Variants in XPO4 observed in about 807,000 individuals in gnomAD.
The protein encoded by XPO4 is exportin 4, also known as exportin-4.
XPO4 carries 39 observed loss-of-function variants against 143.0 expected under a neutral mutation model. That is an observed-to-expected ratio of 0.27 (90% confidence interval 0.21 to 0.36). XPO4 has a LOEUF of 0.36. XPO4 is among the 10% of genes least tolerant of loss of function. XPO4 has a pLI of 1.00. For synonymous variants in XPO4, 439 were observed against 474.0 expected, an observed-to-expected ratio of 0.93 and a Z score of 0.96; for missense variants, 907 against 1,348.0, an observed-to-expected ratio of 0.67 and a Z score of 5.12.
intron 7 of XPO4, among the ~76,000 whole-genome samples, chr13:20,825,447 T>C (rs2059772368): frequency 6.6e-6 from 1 of 152,202 alleles, no homozygotes. Flanking sequence ...AACAAACTTG[T>C]TCATAAACTG....
chr13:20,822,571 G>C (rs1482198264), intron 7 of XPO4, among the ~76,000 whole-genome samples: 2 of 152,218 alleles, frequency 1.3e-5, no homozygotes. Flanking sequence ...ATGCCAGCCA[G>C]TCAGACATAC....
chr13:20,900,106 G>T (rs954906252), intron 1 of XPO4, among the ~76,000 whole-genome samples: 1 of 152,148 alleles, frequency 6.6e-6, no homozygotes, highest in Non-Finnish European at 1.5e-5. Flanking sequence ...AAAGTAACAC[G>T]CCAGGTGCAG....
In XPO4 at chr13:20,803,712, C is replaced by T. The variant is rs542474918; in HGVS notation, c.1818-2722G>A. Among the ~76,000 whole-genome samples the T allele has an allele frequency of 6.6e-6, 1 of 152,282 alleles. No individual in the cohort carries two copies. The highest frequency in any genetic ancestry group is 2.1e-4 in the South Asian group (1 of 4,826). The stretch of plus-strand genomic sequence containing the variant: ...CCTCCCTGCCTCTCCACCCTCATCC[C>T]CCCACCAAAGCTATCGCCCTGCCCT... On this transcript the variant is annotated intron_variant, in intron 13 of 22. Transcript: ENST00000255305. The surrounding 1 kb of genome is among the most constrained non-coding windows in gnomAD (Gnocchi z 4.1).
In XPO4 at chr13:20,842,242, G is replaced by A. The variant is rs146846943; in HGVS notation, c.727+653C>T. On this transcript the variant is annotated intron_variant, in intron 6 of 22. Coordinates refer to ENST00000255305, the MANE Select transcript of XPO4 (RefSeq NM_022459.5). ...TAGTCACTGTATATTACTATCAACG[G>A]GCAGCAGATGTCCCAGCATAGTAAA... is the stretch of plus-strand genomic sequence containing the variant. 7.9e-4 allele frequency among the ~76,000 whole-genome samples: 120 copies of A among 152,118 alleles called. 1 individual carries two copies. The highest frequency in any genetic ancestry group is 2.9e-3 in the African/African-American group (119 of 41,492).
chr13:20,868,920 T>C (rs1460960628), intron 1 of XPO4, among the ~76,000 whole-genome samples: 1 of 152,134 alleles, frequency 6.6e-6, no homozygotes, highest in Non-Finnish European at 1.5e-5. Flanking sequence ...AAGGTTTGGG[T>C]CAGAATCCTT....
At chr13:20,821,631 T>A (rs1037382998) in intron 9 of XPO4, 73 bp downstream of exon 9, 1 of 1,468,920 alleles carries the variant, frequency 6.8e-7, no homozygotes, top group South Asian at 1.5e-5. Flanking sequence ...TTACTTGTCA[T>A]GAGAAATGTT....
intron 22 of XPO4, among the ~76,000 whole-genome samples, chr13:20,785,597 C>T (rs911647238): frequency 2.7e-5 from 4 of 150,578 alleles, no homozygotes; most frequent in East Asian, 3.9e-4. Flanking sequence ...GCCAGGAGGC[C>T]GAGGCAGGAG....
Position 20,890,947 on chromosome 13 carries a change from T to A in XPO4, c.69+11723A>T, listed in dbSNP as rs1039523672. On this transcript the variant is annotated intron_variant, in intron 1 of 22. Transcript: ENST00000255305. Reference sequence around the variant, plus strand: ...GACCAACATAGAGAAACCCCGTCTCTACTAAAAATACAAAATTAGCCAGGC... The same window carrying A: ...GACCAACATAGAGAAACCCCGTCTCAACTAAAAATACAAAATTAGCCAGGC... Among the ~76,000 whole-genome samples the A allele has an allele frequency of 6.6e-5, 10 of 151,416 alleles. No homozygotes were observed. The Middle Eastern group carries it at 0.017, about 263-fold the overall frequency.
Position 20,783,153 on chromosome 13 carries a change from GTC to G in XPO4, c.*567_*568del, listed in dbSNP as rs1345680310. ...ACAAAACCTCTTAAGAGTTTTCAAT[GTC>G]TCTTTCATTGATTCAAAACTTTTGG... On this transcript the variant is annotated 3_prime_UTR_variant, in exon 23 of 23. Transcript: ENST00000255305. 1 of 152,370 alleles carries G rather than the reference GTC, an allele frequency of 6.6e-6. No homozygotes were observed. Among genetic ancestry groups the G allele is most frequent in the Non-Finnish European group, 1.5e-5 (1 of 68,226 alleles). The allele number at this position is 152,370 out of a possible 1,614,324, so 9.4% of individuals were successfully genotyped here.
rs181675674 is a variant in XPO4 at position 20,815,133 on chromosome 13, C to A, written c.1174-5166G>T. Among the ~76,000 whole-genome samples, 120 of 152,122 alleles carry A rather than the reference C, an allele frequency of 7.9e-4. 1 individual carries two copies. Among genetic ancestry groups the A allele is most frequent in the African/African-American group, 2.9e-3 (119 of 41,472 alleles). On this transcript the variant is annotated intron_variant, in intron 9 of 22. Transcript: ENST00000255305. ...GAAAAGGCAAAACTATGGAGACAGG[C>A]GAAAGATCAGTGGTTGCCAGAGGTT...
At chr13:20,804,663 G>A (rs1306342891) in intron 13 of XPO4, among the ~76,000 whole-genome samples, 2 of 152,130 alleles carry the variant, frequency 1.3e-5, no homozygotes, top group Admixed American at 6.5e-5. Flanking sequence ...TTTTTAAGTT[G>A]TTGATATTCC....
intron 1 of XPO4, chr13:20,879,430 G>A: frequency 3.3e-6 from 2 of 604,634 alleles, no homozygotes; most frequent in Non-Finnish European, 4.1e-6. Context: ...CAGGTCTCTT[G>A]CCCATCACAA....
chr13:20,851,128 T>C lies in XPO4; in HGVS notation c.456+4499A>G, dbSNP rs574088424. On this transcript the variant is annotated intron_variant, in intron 4 of 22. Transcript: ENST00000255305. ...GACTATGAAAACATTAAGTAAATTC[T>C]TGAACCACTTACAAATTCTTAACAG... 5 of 985,384 alleles carry C rather than the reference T, an allele frequency of 5.1e-6. No individual in the cohort carries two copies. In the South Asian group the frequency reaches 1.9e-4, roughly 37 times the overall value. 61.0% of individuals were successfully genotyped at this position (985,384 alleles called of 1,614,324 possible). A position where few individuals can be genotyped will look rare whatever the true frequency, so the allele number is the denominator to read the frequency against.
At chr13:20,810,016 G>A in intron 9 of XPO4, 49 bp from the exon 10 acceptor site, 1 of 1,490,428 alleles carries the variant, frequency 6.7e-7, no homozygotes, top group South Asian at 1.4e-5. Context: ...AACGACAATT[G>A]GCATAACAAC....
At chr13:20,871,492 A>C (rs2060298284) in intron 1 of XPO4, among the ~76,000 whole-genome samples, 1 of 152,086 alleles carries the variant, frequency 6.6e-6, no homozygotes, top group Non-Finnish European at 1.5e-5. Context: ...GCTAATTTTA[A>C]AATTTTTGTA....
intron 1 of XPO4, among the ~76,000 whole-genome samples, chr13:20,872,905 T>G (rs1243060670): frequency 6.6e-6 from 1 of 152,128 alleles, no homozygotes; most frequent in Non-Finnish European, 1.5e-5. Flanking sequence ...ATTAAAGTGT[T>G]CTGCATAGCC....
At chr13:20,828,896 A>G (rs2059819624) in intron 6 of XPO4, among the ~76,000 whole-genome samples, 1 of 152,180 alleles carries the variant, frequency 6.6e-6, no homozygotes, top group South Asian at 2.1e-4. Context: ...ACCCAATACT[A>G]CAATATACTG....
chr13:20,817,904 T>A (rs1241924048), intron 9 of XPO4, among the ~76,000 whole-genome samples: 1 of 152,170 alleles, frequency 6.6e-6, no homozygotes, highest in Non-Finnish European at 1.5e-5. Context: ...CAAGTAATTC[T>A]CCTGTCTCAG....
intron 18 of XPO4, among the ~76,000 whole-genome samples, chr13:20,794,034 A>G (rs2059322320): frequency 6.6e-6 from 1 of 152,152 alleles, no homozygotes; most frequent in Admixed American, 6.5e-5. Context: ...CAGCTCCACA[A>G]TCATTTCTCT....
Sources: gnomAD v4.1 joint callset for allele counts (sites outside exome capture counted in the v4.1 genomes callset) on GRCh38, gnomAD v4.1.1 for gene constraint, Gnocchi (gnomAD v3.1) non-coding constraint, MANE v1.5 for transcripts, NCBI Gene and HGNC (gene_info 2026-07-23, HGNC 2026-07-21) for gene names.